Variants in PPM1D observed in about 807,000 individuals in gnomAD.
PPM1D encodes the protein protein phosphatase, Mg2+/Mn2+ dependent 1D, also known as protein phosphatase 1D.
PPM1D carries 52 observed loss-of-function variants against 58.3 expected under a neutral mutation model. That is an observed-to-expected ratio of 0.89 (90% CI 0.71 to 1.12). The LOEUF is 1.12. Among genes scored for constraint, PPM1D ranks in the 50% most tolerant of loss-of-function variants. PPM1D has a pLI of 0.00. For synonymous variants in PPM1D, 278 were observed against 285.1 expected (o/e 0.98, Z 0.25); for missense variants, 564 against 777.2 (o/e 0.73, Z 3.26).
chr17:60,632,529 T>C (rs1437650262), intron 2 of PPM1D, among the ~76,000 whole-genome samples: 1 of 152,112 alleles, frequency 6.6e-6, no homozygotes, highest in Non-Finnish European at 1.5e-5. Context: ...AGTGCACCAC[T>C]GCACTCCAGC....
chr17:60,657,021 T>A, intron 5 of PPM1D, 180 bp downstream of exon 5: 1 of 1,532,044 alleles, frequency 6.5e-7, no homozygotes, highest in Middle Eastern at 1.8e-4. Flanking sequence ...ATGCCAGCCA[T>A]GTGTACAGCA....
Position 60,600,362 on chromosome 17 carries a change from G to A in PPM1D, c.-53G>A. 6.5e-7 allele frequency: 1 copy of A among 1,535,452 alleles called. No individual in the cohort carries two copies. The highest frequency in any genetic ancestry group is 1.4e-5 in the African/African-American group (1 of 71,360). ...CCGGCGAGCGCCTAGTGTGTCTCCCGCCGCCGGATTCGGCGGGCTGCGTGG... is the reference window on the plus strand; with the variant it reads ...CCGGCGAGCGCCTAGTGTGTCTCCCACCGCCGGATTCGGCGGGCTGCGTGG... On this transcript the variant is annotated 5_prime_UTR_variant, in exon 1 of 6. Coordinates refer to ENST00000305921, the MANE Select transcript of PPM1D (RefSeq NM_003620.4).
chr17:60,603,498 C>T (rs2030264142), intron 1 of PPM1D, among the ~76,000 whole-genome samples: 1 of 152,204 alleles, frequency 6.6e-6, no homozygotes, highest in African/African-American at 2.4e-5. Flanking sequence ...TGGCCGGGCG[C>T]ACGCCTGTAA....
chr17:60,634,484 G>A (rs1306167377), intron 3 of PPM1D, among the ~76,000 whole-genome samples: 2 of 152,076 alleles, frequency 1.3e-5, no homozygotes, highest in African/African-American at 4.8e-5. Flanking sequence ...TCAATGTTTT[G>A]CTAATTTCTA....
At chr17:60,613,905 C>A (rs1298115725) in intron 1 of PPM1D, among the ~76,000 whole-genome samples, 1 of 139,590 alleles carries the variant, frequency 7.2e-6, no homozygotes, top group Non-Finnish European at 1.6e-5. Context: ...CCCCCCGCCA[C>A]CCCCCCGCCT....
At chr17:60,621,845 T>G (rs1428474192) in intron 1 of PPM1D, among the ~76,000 whole-genome samples, 1 of 145,690 alleles carries the variant, frequency 6.9e-6, no homozygotes, top group South Asian at 2.2e-4. Flanking sequence ...GCTGAGATTA[T>G]AGGCGTGAGC....
At chr17:60,602,490 C>A (rs1442547878) in intron 1 of PPM1D, among the ~76,000 whole-genome samples, 1 of 151,338 alleles carries the variant, frequency 6.6e-6, no homozygotes, top group East Asian at 1.9e-4. Flanking sequence ...CTTTGTTGCC[C>A]AGGCTGGGCA....
intron 1 of PPM1D, among the ~76,000 whole-genome samples, chr17:60,605,099 C>T (rs553477194): frequency 3.9e-5 from 6 of 152,262 alleles, no homozygotes; most frequent in South Asian, 4.1e-4. Flanking sequence ...TGAGCCACCA[C>T]TCCTGGCCAG....
At chr17:60,623,163 A>T (rs2030740743) in intron 1 of PPM1D, among the ~76,000 whole-genome samples, 1 of 152,184 alleles carries the variant, frequency 6.6e-6, no homozygotes, top group Admixed American at 6.5e-5. Flanking sequence ...TGGCTAAATG[A>T]TACCACAACT....
In PPM1D at chr17:60,656,841, G is replaced by A. The variant is rs1421171570; in HGVS notation, c.1260G>A (p.Lys420=). 2.5e-6 allele frequency: 4 copies of A among 1,613,916 alleles called. No homozygotes were observed. Among genetic ancestry groups the A allele is most frequent in the South Asian group, 2.2e-5 (2 of 91,088 alleles). ...CCCCATGTTCTACACCACCAGTCAA[G>A]GTATATAGTTCCATAGTTTTTAAGT... is the stretch of plus-strand genomic sequence containing the variant. ...TPSPCSTPPV[K]SLEEDPWPRV... Residue 420 remains lysine (K), a splice_region_variant and synonymous_variant, in exon 5 of 6, where the codon AAG becomes AAA. Coordinates refer to ENST00000305921, the MANE Select transcript of PPM1D (RefSeq NM_003620.4).
chr17:60,644,553 G>A (rs1169918393), intron 3 of PPM1D, among the ~76,000 whole-genome samples: 1 of 152,218 alleles, frequency 6.6e-6, no homozygotes, highest in African/African-American at 2.4e-5. Context: ...TTGCCTGAGT[G>A]TGGTAGAATA....
rs1187102156 is a variant in PPM1D at position 60,656,781 on chromosome 17, C to T, written c.1200C>T (p.Ser400=). ...ACCTGAACCTGACTGACAGCCCTTCCTATAATAGTCAAGAAACCTGTGTGA... is the reference window on the plus strand; with the variant it reads ...ACCTGAACCTGACTGACAGCCCTTCTTATAATAGTCAAGAAACCTGTGTGA... ...ELYLNLTDSP[S]YNSQETCVMT... is the part of the protein sequence containing the mutation. Residue 400 remains serine (S), a synonymous_variant, in exon 5 of 6, where the codon TCC becomes TCT. Coordinates refer to ENST00000305921, the MANE Select transcript of PPM1D (RefSeq NM_003620.4). 4 of 1,614,036 alleles carry T rather than the reference C, an allele frequency of 2.5e-6. No homozygotes were observed. Among genetic ancestry groups the T allele is most frequent in the African/African-American group, 2.7e-5 (2 of 74,918 alleles).
intron 3 of PPM1D, among the ~76,000 whole-genome samples, chr17:60,644,861 C>G (rs1343055640): frequency 2.0e-5 from 3 of 151,796 alleles, no homozygotes; most frequent in Non-Finnish European, 4.4e-5. Context: ...ATAATCGCAC[C>G]CAAGAAAACC....
intron 4 of PPM1D, among the ~76,000 whole-genome samples, chr17:60,649,680 ACT>A (rs2031309371): frequency 6.6e-6 from 1 of 151,404 alleles, no homozygotes; most frequent in South Asian, 2.1e-4. Flanking sequence ...TAAGAACGAA[ACT>A]CTGTCTCAAA....
intron 2 of PPM1D, among the ~76,000 whole-genome samples, chr17:60,628,299 C>G (rs1171094651): frequency 6.6e-6 from 1 of 152,212 alleles, no homozygotes; most frequent in East Asian, 1.9e-4. Flanking sequence ...CAGGCTTCCC[C>G]ACTATCCTTC....
intron 3 of PPM1D, among the ~76,000 whole-genome samples, chr17:60,635,771 A>G (rs952316875): frequency 7.9e-5 from 12 of 152,180 alleles, no homozygotes; most frequent in Admixed American, 6.6e-5. Flanking sequence ...TAGTTTTATT[A>G]GGTATTGCTA....
intron 5 of PPM1D, among the ~76,000 whole-genome samples, chr17:60,659,421 A>C (rs189171666): frequency 2.6e-5 from 4 of 152,302 alleles, no homozygotes; most frequent in Admixed American, 2.6e-4. Context: ...TGGGATGGAG[A>C]TAGTGGAAAA....
chr17:60,655,430 C>G (rs2031419343), intron 4 of PPM1D, among the ~76,000 whole-genome samples: 2 of 152,210 alleles, frequency 1.3e-5, no homozygotes. Flanking sequence ...CTCACTGTAA[C>G]CTCCGCCTCC....
chr17:60,614,491 G>A (rs2030538964), intron 1 of PPM1D, among the ~76,000 whole-genome samples: 1 of 152,294 alleles, frequency 6.6e-6, no homozygotes, highest in Admixed American at 6.5e-5. Context: ...AGACTAATCA[G>A]CTCTCTGTAA....
Sources: allele counts gnomAD v4.1 joint callset (sites outside exome capture counted in the v4.1 genomes callset), GRCh38; gene constraint gnomAD v4.1.1; transcripts MANE v1.5; gene names NCBI Gene and HGNC (gene_info 2026-07-23, HGNC 2026-07-21).